Variants in KIF20B observed in about 807,000 individuals in gnomAD.
KIF20B encodes the protein kinesin family member 20B.
A neutral mutation model predicts 232.5 loss-of-function variants in KIF20B; 188 were observed. That is an observed-to-expected ratio of 0.81 (90% confidence interval 0.72 to 0.91). KIF20B has a LOEUF of 0.91. Among genes scored for constraint, KIF20B ranks in the 40% least tolerant of loss-of-function variants. KIF20B has a pLI of 0.00. For missense variants in KIF20B, 2,154 were observed against 2,055.9 expected, an observed-to-expected ratio of 1.05 and a Z score of -0.92; for synonymous variants, 712 against 683.0, an observed-to-expected ratio of 1.04 and a Z score of -0.66.
In KIF20B at chr10:89,728,980, A is replaced by G. The variant is rs908421978; in HGVS notation, c.2272-148A>G. 11 of 595,442 alleles carry G rather than the reference A, an allele frequency of 1.8e-5. No individual in the cohort carries two copies. In the Admixed American group the frequency reaches 3.2e-4, roughly 17 times the overall value. The allele number at this position is 595,442 out of a possible 1,614,324, so 36.9% of individuals were successfully genotyped here. On this transcript the variant is annotated intron_variant, in intron 17 of 32. Transcript: ENST00000371728. ...TTTTTTTAAAGGCAAAAATAAGATCATGCTGTGCATAGTGTGTTGCCACTG... is the reference window on the plus strand; with the variant it reads ...TTTTTTTAAAGGCAAAAATAAGATCGTGCTGTGCATAGTGTGTTGCCACTG...
At chr10:89,749,037 A>G (rs1349599495) in intron 23 of KIF20B, among the ~76,000 whole-genome samples, 2 of 152,168 alleles carry the variant, frequency 1.3e-5, no homozygotes, top group Non-Finnish European at 2.9e-5. Context: ...TTCTAAATAT[A>G]AAGGTAATCT....
At chr10:89,724,480 G>T (rs1184874087) in intron 14 of KIF20B, among the ~76,000 whole-genome samples, 1 of 152,162 alleles carries the variant, frequency 6.6e-6, no homozygotes, top group Non-Finnish European at 1.5e-5. Context: ...AGTGAGCTGA[G>T]ATTGTGTCAC....
Position 89,774,080 on chromosome 10 carries a change from A to T in KIF20B, c.*32A>T. 1 of 1,341,276 alleles carries T rather than the reference A, an allele frequency of 7.5e-7. No homozygotes were observed. Among genetic ancestry groups the T allele is most frequent in the Non-Finnish European group, 1.0e-6 (1 of 963,770 alleles). The allele number at this position is 1,341,276 out of a possible 1,614,324, so 83.1% of individuals were successfully genotyped here. A position where few individuals can be genotyped will look rare whatever the true frequency, so the allele number is the denominator to read the frequency against. The stretch of plus-strand genomic sequence containing the variant: ...TATGGAAATGTTTAATATAAATTTT[A>T]TAGTCATAGTCATTGGAACTTGCAT... On this transcript the variant is annotated 3_prime_UTR_variant, in exon 33 of 33. Transcript: ENST00000371728.
chr10:89,729,991 A>G (rs1843284317), intron 18 of KIF20B, among the ~76,000 whole-genome samples: 3 of 152,194 alleles, frequency 2.0e-5, no homozygotes, highest in Non-Finnish European at 4.4e-5. Flanking sequence ...TATGACCAAA[A>G]GAAGCAGGCG....
chr10:89,740,362 G>A (rs988206698), intron 21 of KIF20B, among the ~76,000 whole-genome samples: 3 of 151,882 alleles, frequency 2.0e-5, no homozygotes, highest in Non-Finnish European at 2.9e-5. Flanking sequence ...GATTAAGGGG[G>A]ACAGAGGGTG....
chr10:89,737,724 C>G lies in KIF20B; in HGVS notation c.2883C>G (p.Ile961Met), dbSNP rs144947333. 6.8e-6 allele frequency: 11 copies of G among 1,612,436 alleles called. No individual in the cohort carries two copies. The highest frequency in any genetic ancestry group is 6.7e-5 in the African/African-American group (5 of 74,832). ...AAAATCAAGAACAGGAGGAAAAGAT[C>G]ATGAAATTGTCAAATGAGATAGAAA... ...KSKNQEQEEK[I>M]MKLSNEIETA... The change falls in exon 20 of 33, where the codon ATC (isoleucine) becomes ATG (methionine). Residue 961 changes from isoleucine to methionine, a missense_variant. Ile to Met is a conservative substitution (Grantham distance 10, BLOSUM62 1). Transcript: ENST00000371728.
intron 21 of KIF20B, among the ~76,000 whole-genome samples, chr10:89,743,255 ATATT>A (rs1399512935): frequency 1.3e-5 from 2 of 152,188 alleles, no homozygotes; most frequent in African/African-American, 2.4e-5. Context: ...ATTAATATAT[ATATT>A]AGTCCATAGT....
At chr10:89,771,192 C>T (rs192140943) in intron 31 of KIF20B, among the ~76,000 whole-genome samples, 11 of 152,136 alleles carry the variant, frequency 7.2e-5, no homozygotes, top group Non-Finnish European at 1.5e-4. Flanking sequence ...TGTCACTACC[C>T]CTCATCCCCA....
intron 19 of KIF20B, among the ~76,000 whole-genome samples, chr10:89,735,535 C>CTTTTTTT (rs397947713): frequency 4.6e-5 from 5 of 108,146 alleles, no homozygotes; most frequent in African/African-American, 1.5e-4. Flanking sequence ...TAGTAAGTGT[C>CTTTTTTT]TTTTTTTTTT....
In KIF20B at chr10:89,717,618, GAC is replaced by G. The variant is rs778436486; in HGVS notation, c.1171_1172del (p.Gln391GlufsTer2). On this transcript the variant is annotated frameshift_variant, in exon 11 of 33. Coordinates refer to ENST00000371728, the MANE Select transcript of KIF20B (RefSeq NM_001284259.2). LOFTEE classifies it high-confidence loss of function. ...TTGCTGGTTCAGAACGAACTATGAAGACACAGAATGAAGGTGAAAGGTTAAGA... is the reference window on the plus strand; with the variant it reads ...TTGCTGGTTCAGAACGAACTATGAAGACAGAATGAAGGTGAAAGGTTAAGA... ...DLAGSERTMK[T>X]QNEGERLRET... The G allele has an allele frequency of 1.9e-5, 31 of 1,611,714 alleles. No individual in the cohort carries two copies. The highest frequency in any genetic ancestry group is 3.3e-5 in the Admixed American group (2 of 59,902).
At chr10:89,767,431 A>G (rs957162785) in intron 29 of KIF20B, among the ~76,000 whole-genome samples, 2 of 147,636 alleles carry the variant, frequency 1.4e-5, no homozygotes, top group African/African-American at 5.0e-5. Flanking sequence ...GTCTCTTTTC[A>G]CTGGCATCCT....
intron 12 of KIF20B, 87 bp from the exon 13 acceptor site, chr10:89,719,332 A>C: frequency 2.0e-6 from 2 of 988,064 alleles, no homozygotes; most frequent in Non-Finnish European, 2.9e-6. Context: ...TTGAGTGTTC[A>C]TTTGACTTAA....
intron 23 of KIF20B, 91 bp downstream of exon 23, chr10:89,746,050 G>A: frequency 1.1e-6 from 1 of 909,672 alleles, no homozygotes; most frequent in South Asian, 1.4e-5. Flanking sequence ...CTTCATTGGT[G>A]CCCTGCAGCT....
At chr10:89,749,983 T>G (rs1476247210) in intron 23 of KIF20B, among the ~76,000 whole-genome samples, 2 of 152,226 alleles carry the variant, frequency 1.3e-5, no homozygotes, top group Non-Finnish European at 2.9e-5. Context: ...TATCTTTAGA[T>G]AGCTATGATG....
chr10:89,737,593 G>T lies in KIF20B; in HGVS notation c.2752G>T (p.Glu918Ter). ...TAAACAGATTGTTCATTTTCAGCAGGAACTTTCTCTTTCTGAAAAAAAGAA... is the reference window on the plus strand; with the variant it reads ...TAAACAGATTGTTCATTTTCAGCAGTAACTTTCTCTTTCTGAAAAAAAGAA... ...LNKQIVHFQQ[E>*]LSLSEKKNLT... The change falls in exon 20 of 33, where the codon GAA becomes TAA. Residue 918 changes from glutamate (E) to a stop codon, truncating the protein, a stop_gained. Coordinates refer to ENST00000371728, the MANE Select transcript of KIF20B (RefSeq NM_001284259.2). LOFTEE classifies it high-confidence loss of function. 1 of 1,604,544 alleles carries T rather than the reference G, an allele frequency of 6.2e-7. No homozygotes were observed. Among genetic ancestry groups the T allele is most frequent in the Non-Finnish European group, 8.5e-7 (1 of 1,176,602 alleles).
rs1286112721 is a variant in KIF20B at position 89,774,010 on chromosome 10, A to C, written c.5425A>C (p.Ile1809Leu). The change falls in exon 33 of 33, where the codon ATT becomes CTT. Residue 1809 changes from isoleucine to leucine, a missense_variant. By Grantham distance (5) the Ile-to-Leu change is conservative. Coordinates refer to ENST00000371728, the MANE Select transcript of KIF20B (RefSeq NM_001284259.2). ...DQKMKESDHQ[I>L]IKRRLRTKTA... ...GAAAATGAAGGAGAGTGATCACCAG[A>C]TTATCAAACGACGACTTCGAACAAA... 1 of 1,592,838 alleles carries C rather than the reference A, an allele frequency of 6.3e-7. No individual in the cohort carries two copies. Among genetic ancestry groups the C allele is most frequent in the South Asian group, 1.2e-5 (1 of 85,896 alleles).
At chr10:89,736,200 A>T (rs1841648608) in intron 19 of KIF20B, among the ~76,000 whole-genome samples, 1 of 152,188 alleles carries the variant, frequency 6.6e-6, no homozygotes, top group Non-Finnish European at 1.5e-5. Context: ...TCTAAAAACG[A>T]AGAGTCAGAT....
chr10:89,721,098 TG>T (rs1173760641), intron 13 of KIF20B, among the ~76,000 whole-genome samples: 2 of 152,190 alleles, frequency 1.3e-5, no homozygotes, highest in African/African-American at 4.8e-5. Flanking sequence ...CCTGTGTTCA[TG>T]GGTGTGCTTT....
intron 29 of KIF20B, among the ~76,000 whole-genome samples, chr10:89,763,074 G>A (rs1045183316): frequency 2.0e-5 from 3 of 152,094 alleles, no homozygotes; most frequent in East Asian, 1.9e-4. Flanking sequence ...TTGAGGTCAC[G>A]AATTCAAGAC....
Sources: allele counts gnomAD v4.1 joint callset (sites outside exome capture counted in the v4.1 genomes callset), GRCh38; gene constraint gnomAD v4.1.1; transcripts MANE v1.5; gene names NCBI Gene and HGNC (gene_info 2026-07-23, HGNC 2026-07-21).